Variants in ZNF678 observed in about 807,000 individuals in gnomAD.
ZNF678 encodes the protein zinc finger protein 678, also known as hypothetical protein MGC42493.
Under a neutral mutation model 3.0 loss-of-function variants are expected in ZNF678, and 5 were observed. The ratio of observed to expected loss-of-function variants is 1.69; its 90% confidence interval spans 0.88 to 3.56. ZNF678 has a LOEUF of 3.56. Among genes scored for constraint, ZNF678 ranks in the 30% most tolerant of loss-of-function variants. The pLI is 0.00. For missense variants in ZNF678, 593 were observed against 605.0 expected (o/e 0.98, Z 0.21); for synonymous variants, 218 against 199.6 (o/e 1.09, Z -0.78).
Position 227,654,871 on chromosome 1 carries a change from A to G in ZNF678, c.621A>G (p.Lys207=). The G allele has an allele frequency of 4.4e-6, 7 of 1,608,732 alleles. No individual in the cohort carries two copies. The highest frequency in any genetic ancestry group is 5.9e-6 in the Non-Finnish European group (7 of 1,179,046). ...ATAAGAAAATTCATAGTGGAGAGAA[A>G]CCATACCCATGTGAAGAATGTGGCA... ...TSHKKIHSGE[K]PYPCEECGKA... is the part of the protein sequence containing the mutation. Residue 207 remains lysine, a synonymous_variant, in exon 4 of 4, where the codon AAA becomes AAG. Coordinates refer to ENST00000343776, the MANE Select transcript of ZNF678 (RefSeq NM_001367909.1).
At chr1:227,600,965 G>T (rs1657723196) in intron 1 of ZNF678, among the ~76,000 whole-genome samples, 1 of 152,120 alleles carries the variant, frequency 6.6e-6, no homozygotes, top group Admixed American at 6.5e-5. Flanking sequence ...TAAAGAAGGG[G>T]TCCCGTTTCA....
chr1:227,673,311 G>A lies in ZNF678; in HGVS notation c.227-3868G>A, dbSNP rs77409749. ...TTGCTACACTGGAGGGCTCAAGACT[G>A]CTGCTGTTCATATCTCCTGTCTTAG... On this transcript the variant is annotated intron_variant, in intron 5 of 5. Transcript: ENST00000608949. 4.9e-3 allele frequency among the ~76,000 whole-genome samples: 746 copies of A among 152,308 alleles called. 14 individuals are homozygous for A. Among genetic ancestry groups the A allele is most frequent in the East Asian group, 0.034 (175 of 5,184 alleles).
chr1:227,570,835 A>G (rs1174395439), intron 1 of ZNF678, among the ~76,000 whole-genome samples: 5 of 152,260 alleles, frequency 3.3e-5, no homozygotes, highest in East Asian at 1.9e-4. Context: ...GAATTTATAC[A>G]TTGTGTAAAA....
chr1:227,632,108 C>G (rs1658561291), intron 1 of ZNF678, among the ~76,000 whole-genome samples: 1 of 152,116 alleles, frequency 6.6e-6, no homozygotes, highest in Non-Finnish European at 1.5e-5. Context: ...AACTTTGGGC[C>G]CTGGCAAGGG....
intron 1 of ZNF678, among the ~76,000 whole-genome samples, chr1:227,575,724 A>G (rs1656971668): frequency 6.6e-6 from 1 of 152,148 alleles, no homozygotes; most frequent in Non-Finnish European, 1.5e-5. Context: ...TCCTATTTGC[A>G]TGCCCATTAT....
intron 1 of ZNF678, among the ~76,000 whole-genome samples, chr1:227,637,536 A>C (rs972755532): frequency 3.1e-4 from 47 of 152,176 alleles, no homozygotes; most frequent in African/African-American, 1.1e-3. Flanking sequence ...TGAGTCCCTT[A>C]GACTAGGTTA....
intron 1 of ZNF678, among the ~76,000 whole-genome samples, chr1:227,603,085 G>A (rs773146726): frequency 1.3e-5 from 2 of 152,154 alleles, no homozygotes; most frequent in Non-Finnish European, 2.9e-5. Flanking sequence ...TGGTTGTGCC[G>A]GGTTCCCTCT....
At chr1:227,592,082 C>G (rs929935924) in intron 1 of ZNF678, among the ~76,000 whole-genome samples, 1 of 152,128 alleles carries the variant, frequency 6.6e-6, no homozygotes, top group African/African-American at 2.4e-5. Flanking sequence ...AGAGGTTGGG[C>G]CCACTAGAAT....
In ZNF678 at chr1:227,646,680, A is replaced by G; in HGVS notation, c.-37+10A>G. The stretch of plus-strand genomic sequence containing the variant: ...AACCTGGTCTCCCTGGGTGAGGATA[A>G]CTTCAATACACAATTTATGTATTTC... On this transcript the variant is annotated intron_variant, in intron 2 of 3. Transcript: ENST00000343776. 1 of 1,369,736 alleles carries G rather than the reference A, an allele frequency of 7.3e-7. No homozygotes were observed. The highest frequency in any genetic ancestry group is 9.8e-7 in the Non-Finnish European group (1 of 1,024,026). 84.8% of individuals were successfully genotyped at this position (1,369,736 alleles called of 1,614,324 possible).
chr1:227,651,117 C>T, intron 3 of ZNF678, 41 bp downstream of exon 3: 1 of 1,603,352 alleles, frequency 6.2e-7, no homozygotes, highest in South Asian at 1.1e-5. Context: ...CTGATGAGAT[C>T]TTTTCTGGGT....
intron 1 of ZNF678, among the ~76,000 whole-genome samples, chr1:227,583,407 A>G (rs1243525001): frequency 7.6e-6 from 1 of 131,834 alleles, no homozygotes; most frequent in Non-Finnish European, 1.5e-5. Flanking sequence ...GCTGGAGTGC[A>G]GTGGCACAAT....
At position 227,563,697 on chromosome 1, in the gene ZNF678, G is replaced by C; in HGVS notation, c.-191G>C. Reference sequence around the variant, plus strand: ...GTACTGGGAGTTACATAGCTAAGATGCCAGGACACCCCGAAAGCCGGAAAA... The same window carrying C: ...GTACTGGGAGTTACATAGCTAAGATCCCAGGACACCCCGAAAGCCGGAAAA... On this transcript the variant is annotated 5_prime_UTR_variant, in exon 1 of 4. An upstream start codon of the reference 5' UTR is lost. Transcript: ENST00000343776. 7.5e-7 allele frequency: 1 copy of C among 1,333,214 alleles called. No homozygotes were observed. 82.6% of individuals were successfully genotyped at this position (1,333,214 alleles called of 1,614,324 possible). A position where few individuals can be genotyped will look rare whatever the true frequency, so the allele number is the denominator to read the frequency against.
chr1:227,651,406 G>A (rs1659090123), intron 3 of ZNF678, among the ~76,000 whole-genome samples: 1 of 152,144 alleles, frequency 6.6e-6, no homozygotes, highest in East Asian at 1.9e-4. Flanking sequence ...GTAGCTTAAA[G>A]GTCTAGAACT....
chr1:227,674,006 C>A (rs530744727), intron 5 of ZNF678, among the ~76,000 whole-genome samples: 6 of 151,966 alleles, frequency 3.9e-5, no homozygotes, highest in African/African-American at 1.4e-4. Context: ...ATTTTTAAGA[C>A]CAGAACTTAA....
chr1:227,642,351 T>C lies in ZNF678; in HGVS notation c.-163-4193T>C, dbSNP rs16848026. ...AGGTAGAGCACCCTGTCTCAGAGTT[T>C]CTTTTGGAGAGTAAAGCCTACCTTC... On this transcript the variant is annotated intron_variant, in intron 1 of 3. Coordinates refer to ENST00000343776, the MANE Select transcript of ZNF678 (RefSeq NM_001367909.1). Among the ~76,000 whole-genome samples the C allele has an allele frequency of 3.4e-3, 516 of 152,332 alleles. 13 individuals carry two copies. The highest frequency in any genetic ancestry group is 0.029 in the South Asian group (139 of 4,826).
At position 227,657,444 on chromosome 1, in the gene ZNF678, A is replaced by T. The variant is rs1440980423; in HGVS notation, c.*1616A>T. The T allele has an allele frequency of 6.6e-6, 1 of 151,884 alleles. No homozygotes were observed. Among genetic ancestry groups the T allele is most frequent in the Admixed American group, 6.6e-5 (1 of 15,208 alleles). The allele number at this position is 151,884 out of a possible 1,614,324, so 9.4% of individuals were successfully genotyped here. On this transcript the variant is annotated 3_prime_UTR_variant, in exon 4 of 4. Transcript: ENST00000343776. ...CTAACATCCCATAGGTTATATTTTT[A>T]TTTTTTTCTTTTGTAAATACTGGAC...
rs998577559 is a variant in ZNF678 at position 227,640,960 on chromosome 1, T to C, written c.-163-5584T>C. Among the ~76,000 whole-genome samples, 6 of 152,340 alleles carry C rather than the reference T, an allele frequency of 3.9e-5. No homozygotes were observed. The South Asian group carries it at 1.2e-3, about 32-fold the overall frequency. ...GCGTCCTCCTAAGACCAGATGATCA[T>C]TGAGTACCTGGCACACGCCAGAGCC... On this transcript the variant is annotated intron_variant, in intron 1 of 3. Transcript: ENST00000343776.
chr1:227,612,891 A>T (rs893815713), intron 1 of ZNF678, among the ~76,000 whole-genome samples: 1 of 152,116 alleles, frequency 6.6e-6, no homozygotes, highest in Non-Finnish European at 1.5e-5. Context: ...TTTGTTGTTG[A>T]TTAGCAGCCC....
intron 5 of ZNF678, among the ~76,000 whole-genome samples, chr1:227,676,447 GAC>G (rs1387040193): frequency 6.6e-6 from 1 of 152,124 alleles, no homozygotes; most frequent in Non-Finnish European, 1.5e-5. Context: ...AAAACCTTAA[GAC>G]AGTGATTTCT....
Sources: allele counts gnomAD v4.1 joint callset (sites outside exome capture counted in the v4.1 genomes callset), GRCh38; gene constraint gnomAD v4.1.1; transcripts MANE v1.5; gene names NCBI Gene and HGNC (gene_info 2026-07-23, HGNC 2026-07-21).